The following CYYR1 variants were observed in gnomAD, a reference collection of about 807,000 sequenced individuals.
CYYR1 encodes the protein cysteine and tyrosine rich 1, also known as cysteine and tyrosine-rich protein 1.
Under a neutral mutation model 15.2 loss-of-function variants are expected in CYYR1, and 14 were observed. The ratio of observed to expected loss-of-function variants is 0.92; its 90% CI spans 0.61 to 1.44. The LOEUF (loss-of-function observed/expected upper bound fraction) is 1.44, where lower values mean the gene tolerates loss of function less well. Among genes scored for constraint, CYYR1 ranks in the 40% most tolerant of loss-of-function variants. CYYR1 has a pLI of 0.00. For synonymous variants in CYYR1, 80 were observed against 77.4 expected (o/e 1.03, Z -0.18); for missense variants, 228 against 209.5 (o/e 1.09, Z -0.54).
At position 26,526,449 on chromosome 21, in the gene CYYR1, A is replaced by AC. The variant is rs577259724; in HGVS notation, c.176+39816dup. 5.6e-3 allele frequency among the ~76,000 whole-genome samples: 844 copies of AC among 152,012 alleles called. 4 individuals are homozygous for AC. Among genetic ancestry groups the AC allele is most frequent in the African/African-American group, 0.019 (800 of 41,456 alleles). ...GGCGACAGAGCAAAATTCTGGCCCC[A>AC]CCCCCCAACAACAACAACAAAAAAG... is the stretch of plus-strand genomic sequence containing the variant. On this transcript the variant is annotated intron_variant, in intron 2 of 3. Coordinates refer to ENST00000652641, the MANE Select transcript of CYYR1 (RefSeq NM_001320768.2).
At chr21:26,572,690 A>C (rs1372926276) in intron 1 of CYYR1, among the ~76,000 whole-genome samples, 178 bp downstream of exon 1, 1 of 152,158 alleles carries the variant, frequency 6.6e-6, no homozygotes, top group African/African-American at 2.4e-5. Context: ...ACAAAACAAA[A>C]CCGCGTGCGG....
intron 2 of CYYR1, among the ~76,000 whole-genome samples, chr21:26,556,608 G>C (rs1806734370): frequency 6.6e-6 from 1 of 152,054 alleles, no homozygotes; most frequent in African/African-American, 2.4e-5. Flanking sequence ...GACGGTGAAG[G>C]GGAATCAGGC....
At chr21:26,486,604 G>T (rs931090955) in intron 2 of CYYR1, among the ~76,000 whole-genome samples, 2 of 151,302 alleles carry the variant, frequency 1.3e-5, no homozygotes, top group African/African-American at 4.8e-5. Flanking sequence ...CTGTTTCTAG[G>T]TTCTAATTTA....
intron 2 of CYYR1, among the ~76,000 whole-genome samples, chr21:26,549,017 G>A (rs1979182313): frequency 6.6e-6 from 1 of 151,884 alleles, no homozygotes. Context: ...AGGCTTAAAA[G>A]TGTTGTTTGA....
intron 2 of CYYR1, among the ~76,000 whole-genome samples, chr21:26,484,930 C>A (rs2065231000): frequency 6.6e-6 from 1 of 151,736 alleles, no homozygotes. Context: ...CCTTTGATAC[C>A]CATTAGCAAT....
chr21:26,566,302 C>G lies in CYYR1; in HGVS notation c.140G>C (p.Cys47Ser), dbSNP rs372929516. 2 of 1,613,758 alleles carry G rather than the reference C, an allele frequency of 1.2e-6. No homozygotes were observed. Among genetic ancestry groups the G allele is most frequent in the African/African-American group, 1.3e-5 (1 of 74,902 alleles). The change falls in exon 2 of 4, where the codon TGT becomes TCT. Residue 47 changes from cysteine (C) to serine (S), a missense_variant. Cys to Ser is a moderately radical substitution (Grantham distance 112). Coordinates refer to ENST00000652641, the MANE Select transcript of CYYR1 (RefSeq NM_001320768.2). ...SYCCDGTTPY[C>S]CSYYAYIGNI... ...CCCAATATAAGCGTAGTAGGAGCAA[C>G]AGTAGGGCGTGGTTCCATCACAGCA...
chr21:26,506,587 G>A (rs1337518844), intron 2 of CYYR1: 1 of 152,202 alleles, frequency 6.6e-6, no homozygotes, highest in Non-Finnish European at 1.5e-5. Context: ...AAATCATGAT[G>A]CAACAGCAGA....
intron 2 of CYYR1, among the ~76,000 whole-genome samples, chr21:26,562,799 A>AACAGACACACACACACAC (rs1980322389): frequency 7.5e-6 from 1 of 132,492 alleles, no homozygotes; most frequent in Admixed American, 7.5e-5. Flanking sequence ...GACATACACA[A>AACAGACACACACACACAC]ACACACACAC....
At chr21:26,563,795 C>T (rs191554363) in intron 2 of CYYR1, among the ~76,000 whole-genome samples, 1 of 152,200 alleles carries the variant, frequency 6.6e-6, no homozygotes. Context: ...AGTCAAGTGG[C>T]CCTAAACCAA....
Position 26,559,406 on chromosome 21 carries a change from A to G in CYYR1, c.176+6860T>C, listed in dbSNP as rs1437760976. ...TTATCTAGGAATTCTGTTGCTCTCT[A>G]TATTAAAAATTTTAAAAATCAAGAT... On this transcript the variant is annotated intron_variant, in intron 2 of 3. Coordinates refer to ENST00000652641, the MANE Select transcript of CYYR1 (RefSeq NM_001320768.2). Among the ~76,000 whole-genome samples the G allele has an allele frequency of 3.9e-5, 6 of 152,244 alleles. 1 individual carries two copies. The South Asian group carries it at 1.2e-3, about 32-fold the overall frequency.
chr21:26,525,897 C>G (rs762295379), intron 2 of CYYR1, among the ~76,000 whole-genome samples: 1 of 152,106 alleles, frequency 6.6e-6, no homozygotes, highest in Non-Finnish European at 1.5e-5. Flanking sequence ...AAGCTATTAT[C>G]CTTAGCAAAG....
Position 26,480,278 on chromosome 21 carries a change from A to G in CYYR1, c.328T>C (p.Tyr110His), listed in dbSNP as rs765567135. Residue 110 changes from tyrosine to histidine, a missense_variant, in exon 3 of 4, where the codon TAT (tyrosine) becomes CAT (histidine). Coordinates refer to ENST00000652641, the MANE Select transcript of CYYR1 (RefSeq NM_001320768.2). ...RTTHINTVSS[Y>H]PAGPPPYGHD... ...AGTCAACAGTTTTGCTCACCAGGAT[A>G]GGAGGAGACGGTGTTGATGTGAGTC... 1 of 1,610,022 alleles carries G rather than the reference A, an allele frequency of 6.2e-7. No homozygotes were observed. The highest frequency in any genetic ancestry group is 1.1e-5 in the South Asian group (1 of 90,314).
At chr21:26,566,117 T>C in intron 2 of CYYR1, 149 bp downstream of exon 2, 1 of 573,740 alleles carries the variant, frequency 1.7e-6, no homozygotes. Context: ...TAGATAGCGA[T>C]GTGTTAATAT....
intron 2 of CYYR1, among the ~76,000 whole-genome samples, chr21:26,481,433 A>G (rs1247057086): frequency 6.6e-6 from 1 of 152,150 alleles, no homozygotes; most frequent in Non-Finnish European, 1.5e-5. Context: ...CATGGATTGA[A>G]GTGAAATGTT....
At chr21:26,542,448 A>C (rs1978641317) in intron 2 of CYYR1, among the ~76,000 whole-genome samples, 1 of 152,198 alleles carries the variant, frequency 6.6e-6, no homozygotes, top group Non-Finnish European at 1.5e-5. Context: ...GCGTTTGATG[A>C]AATTCAACCT....
At chr21:26,559,451 A>T (rs1980045949) in intron 2 of CYYR1, among the ~76,000 whole-genome samples, 1 of 151,526 alleles carries the variant, frequency 6.6e-6, no homozygotes, top group Non-Finnish European at 1.5e-5. Context: ...GTCCCACAAA[A>T]CTCACCATTT....
chr21:26,572,927 C>T lies in CYYR1; in HGVS notation c.14G>A (p.Arg5Lys), dbSNP rs1296161971. Reference protein sequence around the residue: MDAPRLPVRPGVLLP... With the variant: MDAPKLPVRPGVLLP... ...CAAGACCCCTGGACGCACGGGTAGC[C>T]TCGGAGCGTCCATCCAAGCCGGTGG... The change falls in exon 1 of 4, where the codon AGG becomes AAG. Residue 5 changes from arginine (R) to lysine (K), a missense_variant. Transcript: ENST00000652641. 2 of 1,613,830 alleles carry T rather than the reference C, an allele frequency of 1.2e-6. No homozygotes were observed. Among genetic ancestry groups the T allele is most frequent in the East Asian group, 4.5e-5 (2 of 44,854 alleles).
rs181306119 is a variant in CYYR1 at position 26,547,619 on chromosome 21, C to T, written c.176+18647G>A. 3.6e-3 allele frequency among the ~76,000 whole-genome samples: 544 copies of T among 152,228 alleles called. 2 individuals are homozygous for T. Among genetic ancestry groups the T allele is most frequent in the African/African-American group, 0.011 (451 of 41,548 alleles). ...AACCACTCTATGATTCTCTCCCATGCGCATTAATAATTTTATATGCCATCT... is the reference window on the plus strand; with the variant it reads ...AACCACTCTATGATTCTCTCCCATGTGCATTAATAATTTTATATGCCATCT... On this transcript the variant is annotated intron_variant, in intron 2 of 3. Transcript: ENST00000652641.
At chr21:26,546,327 T>G (rs1466412009) in intron 2 of CYYR1, among the ~76,000 whole-genome samples, 12 of 152,210 alleles carry the variant, frequency 7.9e-5, no homozygotes, top group Non-Finnish European at 1.5e-5. Context: ...TTTTGAAACT[T>G]TGTTTCTTCA....
Sources: gnomAD v4.1 joint callset for allele counts (sites outside exome capture counted in the v4.1 genomes callset) on GRCh38, gnomAD v4.1.1 for gene constraint, MANE v1.5 for transcripts, NCBI Gene and HGNC (gene_info 2026-07-23, HGNC 2026-07-21) for gene names.